The following FOXP1 variants were observed in gnomAD, a reference collection of about 807,000 sequenced individuals.
FOXP1 encodes the protein forkhead box protein P1.
A neutral mutation model predicts 98.2 loss-of-function variants in FOXP1; 15 were observed. The observed-to-expected ratio is 0.15, with a 90% CI of 0.10 to 0.24. The LOEUF is 0.24. Ranked by LOEUF, FOXP1 falls within the 10% of genes least tolerant of loss-of-function variation. The probability of loss-of-function intolerance (pLI) is 1.00; values close to 1 mark genes in which losing one functional copy is unlikely to be tolerated. For missense variants in FOXP1, 633 were observed against 848.5 expected (o/e 0.75, Z 3.15); for synonymous variants, 371 against 314.5 (o/e 1.18, Z -1.90).
At chr3:71,546,691 C>T (rs907534538) in intron 2 of FOXP1, among the ~76,000 whole-genome samples, 41 of 152,112 alleles carry the variant, frequency 2.7e-4, no homozygotes, top group African/African-American at 9.9e-4. Context: ...CTGAATGGCA[C>T]TAGCACCAGT....
At chr3:71,561,578 T>C (rs975957600) in intron 2 of FOXP1, among the ~76,000 whole-genome samples, 1 of 152,184 alleles carries the variant, frequency 6.6e-6, no homozygotes, top group African/African-American at 2.4e-5. Context: ...AAAATGGAGA[T>C]GCAAGTCTCT....
intron 3 of FOXP1, among the ~76,000 whole-genome samples, chr3:71,471,870 A>G (rs1050462785): frequency 6.6e-6 from 1 of 152,152 alleles, no homozygotes; most frequent in African/African-American, 2.4e-5. Context: ...GTTCCATCTG[A>G]GCAGACCAAG....
chr3:71,451,466 G>T (rs558153416), intron 3 of FOXP1, among the ~76,000 whole-genome samples: 68 of 152,142 alleles, frequency 4.5e-4, no homozygotes, highest in African/African-American at 1.6e-3. Flanking sequence ...AAGATAAAGA[G>T]ATCTGGAATA....
chr3:71,144,053 A>C (rs1382646062), intron 6 of FOXP1, among the ~76,000 whole-genome samples: 1 of 152,222 alleles, frequency 6.6e-6, no homozygotes, highest in African/African-American at 2.4e-5. Flanking sequence ...AGGAAAAAAA[A>C]AAGTATACAA....
chr3:71,370,772 G>A (rs1240144428), intron 3 of FOXP1, among the ~76,000 whole-genome samples: 1 of 149,926 alleles, frequency 6.7e-6, no homozygotes, highest in Non-Finnish European at 1.5e-5. Flanking sequence ...ACATTGCTAG[G>A]TCCCAACCCT....
At chr3:71,271,126 A>G (rs906895259) in intron 5 of FOXP1, among the ~76,000 whole-genome samples, 11 of 152,238 alleles carry the variant, frequency 7.2e-5, no homozygotes, top group Middle Eastern at 3.2e-3. Flanking sequence ...GCTACTTGGC[A>G]GGCTGAGGCA....
chr3:71,410,420 T>C (rs1398491111), intron 3 of FOXP1, among the ~76,000 whole-genome samples: 2 of 152,252 alleles, frequency 1.3e-5, no homozygotes, highest in African/African-American at 4.8e-5. Context: ...TTTCCAACTT[T>C]TTTCTATTCC....
chr3:71,219,879 C>CTA (rs35079437), intron 5 of FOXP1, among the ~76,000 whole-genome samples: 10 of 154 alleles, frequency 0.065, no homozygotes, highest in Admixed American at 0.38. Context: ...TCTCTCTCTC[C>CTA]TGTTTCCACC....
chr3:71,411,459 C>T (rs2082738072), intron 3 of FOXP1, among the ~76,000 whole-genome samples: 1 of 152,150 alleles, frequency 6.6e-6, no homozygotes, highest in South Asian at 2.1e-4. Context: ...GGACTACACA[C>T]ACACAGGCAT....
chr3:71,433,363 C>T (rs1007112185), intron 3 of FOXP1, among the ~76,000 whole-genome samples: 3 of 152,210 alleles, frequency 2.0e-5, no homozygotes, highest in Admixed American at 6.5e-5. Context: ...TATAAACACT[C>T]TACGTGTCTA....
intron 5 of FOXP1, among the ~76,000 whole-genome samples, chr3:71,297,489 CA>C (rs756846802): frequency 0.35 from 32,350 of 92,950 alleles, 3,323 homozygotes; most frequent in Middle Eastern, 0.43. Context: ...CAGGTGATTA[CA>C]AAAAAAAAAA....
chr3:71,302,037 G>C (rs1252399323), intron 4 of FOXP1, among the ~76,000 whole-genome samples: 1 of 152,200 alleles, frequency 6.6e-6, no homozygotes, highest in South Asian at 2.1e-4. Context: ...ATGGGCAGTG[G>C]GATATAATCT....
intron 6 of FOXP1, among the ~76,000 whole-genome samples, chr3:71,171,868 G>C (rs773074156): frequency 3.9e-5 from 6 of 152,178 alleles, no homozygotes; most frequent in Non-Finnish European, 5.9e-5. Flanking sequence ...CTGGTGATGG[G>C]ACCGGCTCTT....
In FOXP1 at chr3:71,557,222, T is replaced by C. The variant is rs1444255032; in HGVS notation, c.-298+24327A>G. On this transcript the variant is annotated intron_variant, in intron 2 of 20. Transcript: ENST00000649528. ...GTATCTTTCTGAACTGGGAAATGAC[T>C]AGCTTGCTACACGGATGAGAGAAGA... is the stretch of plus-strand genomic sequence containing the variant. 2.0e-5 allele frequency among the ~76,000 whole-genome samples: 3 copies of C among 152,270 alleles called. No homozygotes were observed. The East Asian group carries it at 5.8e-4, about 29-fold the overall frequency.
chr3:70,992,236 C>T (rs888911662), intron 13 of FOXP1, among the ~76,000 whole-genome samples: 20 of 152,132 alleles, frequency 1.3e-4, no homozygotes, highest in Admixed American at 4.6e-4. Flanking sequence ...CTTTCTGCCA[C>T]GGACTGAGAA....
chr3:71,349,102 A>G (rs2107829164), intron 4 of FOXP1, among the ~76,000 whole-genome samples: 1 of 152,334 alleles, frequency 6.6e-6, no homozygotes, highest in African/African-American at 2.4e-5. Context: ...GTGCCACTAC[A>G]CTAAATTATG....
At chr3:71,018,526 T>C (rs1406625027) in intron 11 of FOXP1, among the ~76,000 whole-genome samples, 1 of 152,238 alleles carries the variant, frequency 6.6e-6, no homozygotes, top group Non-Finnish European at 1.5e-5. Context: ...CATTCGGGTT[T>C]ATATTGCATT....
At chr3:71,212,191 T>C (rs1010196909) in intron 5 of FOXP1, among the ~76,000 whole-genome samples, 6 of 152,166 alleles carry the variant, frequency 3.9e-5, no homozygotes, top group Non-Finnish European at 5.9e-5. Context: ...TGCTTCAACA[T>C]TGAACCACAG....
At chr3:71,361,989 G>C (rs2078603212) in intron 3 of FOXP1, among the ~76,000 whole-genome samples, 1 of 152,180 alleles carries the variant, frequency 6.6e-6, no homozygotes, top group Non-Finnish European at 1.5e-5. Flanking sequence ...CAAAGTGACA[G>C]GTAGTGGGAA....
Sources: gnomAD v4.1 joint callset for allele counts (sites outside exome capture counted in the v4.1 genomes callset) on GRCh38, gnomAD v4.1.1 for gene constraint, MANE v1.5 for transcripts, NCBI Gene and HGNC (gene_info 2026-07-23, HGNC 2026-07-21) for gene names.